Variants in CUL3 observed in about 807,000 individuals in gnomAD.
The protein encoded by CUL3 is cullin 3.
In CUL3, 19 loss-of-function variants were observed where a neutral mutation model predicts 89.1. The ratio of observed to expected loss-of-function variants is 0.21; its 90% confidence interval spans 0.15 to 0.31. CUL3 has a LOEUF of 0.31. Ranked by LOEUF, CUL3 falls within the 10% of genes least tolerant of loss-of-function variation. The probability of loss-of-function intolerance (pLI) is 1.00; values close to 1 mark genes in which losing one functional copy is unlikely to be tolerated. For missense variants in CUL3, 469 were observed against 942.3 expected, an observed-to-expected ratio of 0.50 and a Z score of 6.58; for synonymous variants, 351 against 308.4, an observed-to-expected ratio of 1.14 and a Z score of -1.45.
chr2:224,495,792 G>T (rs955053531), intron 13 of CUL3, 40 bp downstream of exon 13: 37 of 1,539,824 alleles, frequency 2.4e-5, no homozygotes, highest in Non-Finnish European at 3.3e-5. Flanking sequence ...GTGAGAGTTA[G>T]AAACAACACA....
chr2:224,487,210 T>C (rs555607629), intron 13 of CUL3, among the ~76,000 whole-genome samples: 31 of 152,048 alleles, frequency 2.0e-4, no homozygotes, highest in African/African-American at 7.2e-4. Flanking sequence ...CTGCAACAAC[T>C]AATGGGCAAA....
At chr2:224,493,867 T>C (rs539574661) in intron 13 of CUL3, among the ~76,000 whole-genome samples, 1 of 152,296 alleles carries the variant, frequency 6.6e-6, no homozygotes, top group Non-Finnish European at 1.5e-5. Context: ...TTGAAAAGCC[T>C]AGGTTTGGGT....
In CUL3 at chr2:224,514,708, C is replaced by T. The variant is rs2106223657; in HGVS notation, c.443G>A (p.Arg148Gln). 2 of 1,613,284 alleles carry T rather than the reference C, an allele frequency of 1.2e-6. No homozygotes were observed. The highest frequency in any genetic ancestry group is 8.5e-7 in the Non-Finnish European group (1 of 1,179,414). Residue 148 changes from arginine to glutamine, a missense_variant, in exon 4 of 16, where the codon CGA becomes CAA. Transcript: ENST00000264414. Reference protein sequence around the residue: ...NVYNLGLIIFRDQVVRYGCIR... With the variant: ...NVYNLGLIIFQDQVVRYGCIR... ...ACACCCATAACGTACAACTTGATCT[C>T]GAAAAATAATTAATCCCAAATTGTA...
At chr2:224,490,974 T>C (rs1691949310) in intron 13 of CUL3, among the ~76,000 whole-genome samples, 1 of 152,160 alleles carries the variant, frequency 6.6e-6, no homozygotes, top group Non-Finnish European at 1.5e-5. Flanking sequence ...TATATACATG[T>C]ACTATGTACC....
chr2:224,520,999 T>C (rs1213014366), intron 3 of CUL3, among the ~76,000 whole-genome samples: 1 of 152,200 alleles, frequency 6.6e-6, no homozygotes, highest in Non-Finnish European at 1.5e-5. Flanking sequence ...CTAAATAGTT[T>C]CATTACTCAG....
chr2:224,503,778 G>T lies in CUL3; in HGVS notation c.1251C>A (p.Val417=), dbSNP rs2106197381. The T allele has an allele frequency of 6.2e-7, 1 of 1,600,992 alleles. No individual in the cohort carries two copies. Among genetic ancestry groups the T allele is most frequent in the South Asian group, 1.1e-5 (1 of 87,884 alleles). The part of the protein sequence containing the change: ...EVETILDKAM[V]LFRFMQEKDV... Reference sequence around the variant, plus strand: ...CTTTTTCTTGCATAAACCTAAAAAGGACCATTGCTTTATCCAATATTGTTT... The same window carrying T: ...CTTTTTCTTGCATAAACCTAAAAAGTACCATTGCTTTATCCAATATTGTTT... Residue 417 remains valine (V), a synonymous_variant, in exon 9 of 16, where the codon GTC becomes GTA. Transcript: ENST00000264414.
rs139901809 is a variant in CUL3 at position 224,527,372 on chromosome 2, C to G, written c.378+8156G>C. 3.7e-4 allele frequency among the ~76,000 whole-genome samples: 56 copies of G among 152,284 alleles called. No homozygotes were observed. In the South Asian group the frequency reaches 3.9e-3, roughly 11 times the overall value. ...ATGAGAAAACACAGACCCACAGACTCCATCATCTCTATGTTCTTATCCTAT... is the reference window on the plus strand; with the variant it reads ...ATGAGAAAACACAGACCCACAGACTGCATCATCTCTATGTTCTTATCCTAT... On this transcript the variant is annotated intron_variant, in intron 3 of 15. Coordinates refer to ENST00000264414, the MANE Select transcript of CUL3 (RefSeq NM_003590.5).
At chr2:224,483,472 T>G (rs1319326371) in intron 13 of CUL3, among the ~76,000 whole-genome samples, 2 of 152,164 alleles carry the variant, frequency 1.3e-5, no homozygotes, top group East Asian at 1.9e-4. Context: ...CATCTTTCTA[T>G]TAGAGTTAGG....
chr2:224,542,819 G>A (rs1237126671), intron 2 of CUL3, among the ~76,000 whole-genome samples: 2 of 152,156 alleles, frequency 1.3e-5, no homozygotes, highest in Non-Finnish European at 2.9e-5. Flanking sequence ...AAAAGGAGCT[G>A]GAAAGGAGGA....
intron 7 of CUL3, 27 bp from the exon 8 acceptor site, chr2:224,506,159 C>A: frequency 6.8e-7 from 1 of 1,477,210 alleles, no homozygotes. Flanking sequence ...AAATTTAGGA[C>A]ACATTATAAT....
chr2:224,510,431 C>T (rs942896853), intron 6 of CUL3, among the ~76,000 whole-genome samples: 3 of 151,780 alleles, frequency 2.0e-5, no homozygotes, highest in Admixed American at 6.6e-5. Flanking sequence ...CACCAGCTTT[C>T]GTTTTCCTTT....
chr2:224,499,362 C>T (rs1342409115), intron 11 of CUL3: 1 of 233,250 alleles, frequency 4.3e-6, no homozygotes, highest in Non-Finnish European at 9.6e-6. Flanking sequence ...ACACTTAAGA[C>T]AATTACTAGA....
chr2:224,491,712 CT>C (rs1398401636), intron 13 of CUL3, among the ~76,000 whole-genome samples: 1 of 152,126 alleles, frequency 6.6e-6, no homozygotes, highest in African/African-American at 2.4e-5. Flanking sequence ...CAGATACAAC[CT>C]TATGGCATTA....
chr2:224,561,298 T>C (rs1447482411), intron 1 of CUL3, among the ~76,000 whole-genome samples: 5 of 152,178 alleles, frequency 3.3e-5, no homozygotes, highest in African/African-American at 9.7e-5. Context: ...AAATGCCACA[T>C]AAAATCTCCA....
chr2:224,510,573 G>A (rs1014106108), intron 6 of CUL3, among the ~76,000 whole-genome samples: 17 of 151,792 alleles, frequency 1.1e-4, no homozygotes, highest in South Asian at 8.3e-4. Context: ...CTTAGATTTC[G>A]TCTAGGAAGC....
intron 1 of CUL3, among the ~76,000 whole-genome samples, chr2:224,569,313 T>C (rs1042212033): frequency 5.3e-5 from 8 of 152,162 alleles, no homozygotes; most frequent in Non-Finnish European, 1.0e-4. Flanking sequence ...ATCAGATGTA[T>C]ACAGGACCCT....
chr2:224,487,108 C>T (rs1401324198), intron 13 of CUL3, among the ~76,000 whole-genome samples: 2 of 152,116 alleles, frequency 1.3e-5, no homozygotes, highest in Non-Finnish European at 2.9e-5. Context: ...ACAAGGGCTT[C>T]TGAAGGAAGC....
intron 2 of CUL3, among the ~76,000 whole-genome samples, chr2:224,538,217 G>A (rs1693963982): frequency 6.6e-6 from 1 of 152,152 alleles, no homozygotes; most frequent in South Asian, 2.1e-4. Context: ...CTGCTGCAAT[G>A]TCTTCTTATT....
intron 3 of CUL3, among the ~76,000 whole-genome samples, chr2:224,534,341 TGAA>T (rs2106261305): frequency 6.6e-6 from 1 of 152,292 alleles, no homozygotes; most frequent in Admixed American, 6.5e-5. Flanking sequence ...AATATACATG[TGAA>T]GAAGCTAATA....
Sources: allele counts gnomAD v4.1 joint callset (sites outside exome capture counted in the v4.1 genomes callset), GRCh38; gene constraint gnomAD v4.1.1; transcripts MANE v1.5; gene names NCBI Gene and HGNC (gene_info 2026-07-23, HGNC 2026-07-21).